The following MKLN1 variants were observed in gnomAD, a reference collection of about 807,000 sequenced individuals.
The protein encoded by MKLN1 is muskelin.
Under a neutral mutation model 99.0 loss-of-function variants are expected in MKLN1, and 18 were observed. The observed-to-expected ratio is 0.18, with a 90% confidence interval of 0.13 to 0.27. The LOEUF is 0.27. Ranked by LOEUF, MKLN1 falls within the 10% of genes least tolerant of loss-of-function variation. The pLI is 1.00. For missense variants in MKLN1, 621 were observed against 875.9 expected, an observed-to-expected ratio of 0.71 and a Z score of 3.67; for synonymous variants, 288 against 293.2, an observed-to-expected ratio of 0.98 and a Z score of 0.18.
intron 8 of MKLN1, among the ~76,000 whole-genome samples, chr7:131,422,371 G>A (rs1288991572): frequency 6.6e-6 from 1 of 152,108 alleles, no homozygotes; most frequent in African/African-American, 2.4e-5. Context: ...AACACAGCAA[G>A]ACCTCTGTCT....
At chr7:131,161,202 C>T (rs560538847) in intron 2 of MKLN1, among the ~76,000 whole-genome samples, 2 of 152,244 alleles carry the variant, frequency 1.3e-5, no homozygotes, top group Middle Eastern at 6.8e-3. Flanking sequence ...GAAGTGAATG[C>T]TTTGAGAAGA....
At chr7:131,392,185 A>G (rs1005529721) in intron 4 of MKLN1, among the ~76,000 whole-genome samples, 13 of 152,182 alleles carry the variant, frequency 8.5e-5, no homozygotes, top group Non-Finnish European at 1.3e-4. Flanking sequence ...AATCAGGGGT[A>G]GGTGAGGGCA....
At chr7:131,413,525 C>T (rs1372837887) in intron 7 of MKLN1, among the ~76,000 whole-genome samples, 2 of 151,908 alleles carry the variant, frequency 1.3e-5, no homozygotes, top group East Asian at 3.9e-4. Context: ...ACCTTTTGAA[C>T]TACTGAAATT....
chr7:131,474,363 G>A lies in MKLN1; in HGVS notation c.2031+3419G>A, dbSNP rs144587589. On this transcript the variant is annotated intron_variant, in intron 16 of 17. Coordinates refer to ENST00000352689, the MANE Select transcript of MKLN1 (RefSeq NM_013255.5). ...ACTGGTTTGTGGGGACTCCTGACTG[G>A]CATTCAGGAGTTTAAATTTGGAAAT... 1.4e-4 allele frequency among the ~76,000 whole-genome samples: 21 copies of A among 152,258 alleles called. 1 individual carries two copies. In the East Asian group the frequency reaches 1.9e-3, roughly 14 times the overall value.
intron 2 of MKLN1, among the ~76,000 whole-genome samples, chr7:131,162,828 T>C (rs1443818041): frequency 1.3e-5 from 2 of 152,328 alleles, no homozygotes; most frequent in East Asian, 3.9e-4. Context: ...TGAAATGATA[T>C]TTTGGACATG....
chr7:131,223,477 G>A (rs536731215), intron 3 of MKLN1, among the ~76,000 whole-genome samples: 9 of 152,326 alleles, frequency 5.9e-5, no homozygotes, highest in African/African-American at 2.2e-4. Context: ...AAGTTAGGAT[G>A]AGCTTGGGTT....
chr7:131,212,730 C>A (rs1796923913), intron 3 of MKLN1, among the ~76,000 whole-genome samples: 1 of 152,082 alleles, frequency 6.6e-6, no homozygotes, highest in Admixed American at 6.6e-5. Context: ...TCGAGACCAG[C>A]CTGACCAACA....
chr7:131,382,310 A>C (rs1793875801), intron 2 of MKLN1, among the ~76,000 whole-genome samples: 1 of 152,128 alleles, frequency 6.6e-6, no homozygotes, highest in Admixed American at 6.5e-5. Context: ...GGTTGCAGTG[A>C]GCCAGGATCT....
At chr7:131,321,232 TG>T (rs1375427866) in intron 3 of MKLN1, among the ~76,000 whole-genome samples, 3 of 139,594 alleles carry the variant, frequency 2.1e-5, no homozygotes, top group Non-Finnish European at 4.7e-5. Flanking sequence ...ATAAACACCA[TG>T]GAATACTATG....
chr7:131,311,228 A>G (rs559093564), intron 3 of MKLN1: 1 of 152,302 alleles, frequency 6.6e-6, no homozygotes, highest in Non-Finnish European at 1.5e-5. Context: ...AATTTCCTTG[A>G]AGAAAAAGCA....
chr7:131,456,032 T>G (rs1412256006), intron 12 of MKLN1, among the ~76,000 whole-genome samples: 2 of 128,994 alleles, frequency 1.6e-5, no homozygotes, highest in Non-Finnish European at 3.2e-5. Context: ...AGTGACAGAG[T>G]GAGACTCTGT....
chr7:131,325,482 G>A (rs1263083574), upstream of MKLN1, among the ~76,000 whole-genome samples: 2 of 152,096 alleles, frequency 1.3e-5, no homozygotes, highest in African/African-American at 2.4e-5. Context: ...GATCGCTTGA[G>A]CCCAGGAGTT....
chr7:131,341,298 GA>G (rs1799401583), intron 1 of MKLN1, among the ~76,000 whole-genome samples: 1 of 152,088 alleles, frequency 6.6e-6, no homozygotes, highest in African/African-American at 2.4e-5. Context: ...GTCAATTTTA[GA>G]ACATTTTCAT....
chr7:131,316,175 G>A (rs1312649604), intron 3 of MKLN1, among the ~76,000 whole-genome samples: 6 of 152,166 alleles, frequency 3.9e-5, no homozygotes, highest in Non-Finnish European at 7.3e-5. Context: ...CTCCCAACAG[G>A]GGTTGACAGA....
chr7:131,376,272 C>A, intron 2 of MKLN1, among the ~76,000 whole-genome samples: 1 of 145,514 alleles, frequency 6.9e-6, no homozygotes, highest in East Asian at 2.0e-4. Context: ...GGCCTGTTGT[C>A]TGGTGCATAA....
At chr7:131,480,074 G>A (rs1386775190) in intron 17 of MKLN1, among the ~76,000 whole-genome samples, 5 of 146,208 alleles carry the variant, frequency 3.4e-5, no homozygotes, top group Non-Finnish European at 7.5e-5. Context: ...GTGGTCTCTA[G>A]AACCCAGACC....
chr7:131,286,712 A>C (rs1272950947), intron 3 of MKLN1, among the ~76,000 whole-genome samples: 3 of 152,374 alleles, frequency 2.0e-5, no homozygotes, highest in African/African-American at 7.2e-5. Context: ...CTTGTTTCGA[A>C]TAAGAATGTC....
At chr7:131,204,851 G>GT (rs1796784280) in intron 3 of MKLN1, among the ~76,000 whole-genome samples, 1 of 151,392 alleles carries the variant, frequency 6.6e-6, no homozygotes, top group African/African-American at 2.4e-5. Flanking sequence ...GGAGAATGGC[G>GT]TGAACTCAGG....
chr7:131,274,616 C>G (rs894646398), intron 3 of MKLN1, among the ~76,000 whole-genome samples: 3 of 146,880 alleles, frequency 2.0e-5, no homozygotes, highest in Non-Finnish European at 4.4e-5. Context: ...TGCACTCCAG[C>G]CTGGGCAACA....
Sources: gnomAD v4.1 joint callset for allele counts (sites outside exome capture counted in the v4.1 genomes callset) on GRCh38, gnomAD v4.1.1 for gene constraint, MANE v1.5 for transcripts, NCBI Gene and HGNC (gene_info 2026-07-23, HGNC 2026-07-21) for gene names.